VKORC1L1: variants seen among roughly 807,000 people sequenced by gnomAD.
VKORC1L1 encodes the protein vitamin K epoxide reductase complex subunit 1L1, also known as vitamin K epoxide reductase complex subunit 1-like protein 1.
In VKORC1L1, 2 loss-of-function variants were observed where a neutral mutation model predicts 18.9. The observed-to-expected ratio is 0.11, with a 90% CI of 0.04 to 0.33. VKORC1L1 has a LOEUF of 0.33. Ranked by LOEUF, VKORC1L1 falls within the 10% of genes least tolerant of loss-of-function variation. The pLI is 1.00. For synonymous variants in VKORC1L1, 96 were observed against 100.0 expected, an observed-to-expected ratio of 0.96 and a Z score of 0.24; for missense variants, 123 against 224.1, an observed-to-expected ratio of 0.55 and a Z score of 2.88.
intron 1 of VKORC1L1, among the ~76,000 whole-genome samples, chr7:65,923,384 G>A (rs921862794): frequency 6.6e-6 from 1 of 151,760 alleles, no homozygotes; most frequent in Non-Finnish European, 1.5e-5. Context: ...CAGCCTAGGC[G>A]ATAGAGACCC....
At chr7:65,926,794 C>T (rs1025933742) in intron 1 of VKORC1L1, among the ~76,000 whole-genome samples, 6 of 152,168 alleles carry the variant, frequency 3.9e-5, no homozygotes, top group Non-Finnish European at 7.3e-5. Flanking sequence ...AAAGTAATGG[C>T]TTTTGCAGCA....
At chr7:65,912,766 C>A (rs1405692139) in intron 1 of VKORC1L1, among the ~76,000 whole-genome samples, 1 of 151,966 alleles carries the variant, frequency 6.6e-6, no homozygotes, top group Non-Finnish European at 1.5e-5. Flanking sequence ...ACAATTGAAA[C>A]AAAGTACTAG....
At chr7:65,936,674 C>T (rs1474718281) in intron 1 of VKORC1L1, among the ~76,000 whole-genome samples, 1 of 152,184 alleles carries the variant, frequency 6.6e-6, no homozygotes, top group Non-Finnish European at 1.5e-5. Context: ...GAGTCTGGGG[C>T]TTGTGTTAGT....
chr7:65,902,546 G>GC (rs1789335934), intron 1 of VKORC1L1, among the ~76,000 whole-genome samples: 1 of 152,058 alleles, frequency 6.6e-6, no homozygotes, highest in Admixed American at 6.6e-5. Flanking sequence ...TGTAATTGGA[G>GC]CCCCAGAAAA....
At chr7:65,896,572 T>TCCTTCTTTCCC (rs1789217030) in intron 1 of VKORC1L1, among the ~76,000 whole-genome samples, 1 of 140,666 alleles carries the variant, frequency 7.1e-6, no homozygotes, top group Non-Finnish European at 1.6e-5. Flanking sequence ...CCTTCCTTCT[T>TCCTTCTTTCCC]TCCCTCCCTC....
chr7:65,897,784 G>A (rs1437104330), intron 1 of VKORC1L1, among the ~76,000 whole-genome samples: 1 of 150,656 alleles, frequency 6.6e-6, no homozygotes, highest in East Asian at 1.9e-4. Context: ...GTACTGTTCT[G>A]AATGTATGCT....
chr7:65,903,792 A>T (rs80288747), intron 1 of VKORC1L1, among the ~76,000 whole-genome samples: 1,863 of 132,766 alleles, frequency 0.014, 35 homozygotes, highest in African/African-American at 0.046. Flanking sequence ...AAAAAAAAAA[A>T]GGCCTACTGG....
chr7:65,935,641 C>T (rs983204443), intron 1 of VKORC1L1, among the ~76,000 whole-genome samples: 1 of 152,102 alleles, frequency 6.6e-6, no homozygotes, highest in East Asian at 1.9e-4. Flanking sequence ...AATTGGTAGG[C>T]ATTTGAATTC....
chr7:65,945,507 G>T (rs1790105681), intron 1 of VKORC1L1, among the ~76,000 whole-genome samples: 1 of 151,418 alleles, frequency 6.6e-6, no homozygotes, highest in African/African-American at 2.4e-5. Context: ...AGCCACTTGG[G>T]AGGCTGAGGC....
chr7:65,895,480 AATATATATATATATATAT>A lies in VKORC1L1; in HGVS notation c.194+21935_194+21952del, dbSNP rs1162173957. Among the ~76,000 whole-genome samples the A allele has an allele frequency of 1.9e-4, 8 of 42,770 alleles. No individual in the cohort carries two copies. In the East Asian group the frequency reaches 2.7e-3, roughly 14 times the overall value. 28.1% of individuals were successfully genotyped at this position (42,770 alleles called of 152,430 possible). On this transcript the variant is annotated intron_variant, in intron 1 of 2. Transcript: ENST00000360768. Reference sequence around the variant, plus strand: ...AAAAAAAAAAAAAAAAAAAAAAAAAAATATATATATATATATATATATATATATATATATATACACACA... The same window carrying A: ...AAAAAAAAAAAAAAAAAAAAAAAAAAATATATATATATATATATACACACA...
chr7:65,889,087 A>ATTT (rs57828998), intron 1 of VKORC1L1, among the ~76,000 whole-genome samples: 1 of 138,424 alleles, frequency 7.2e-6, no homozygotes, highest in African/African-American at 2.6e-5. Flanking sequence ...ACCACTCTCA[A>ATTT]TTTTTTTTTT....
At chr7:65,943,204 G>T (rs1043881587) in intron 1 of VKORC1L1, among the ~76,000 whole-genome samples, 2 of 152,058 alleles carry the variant, frequency 1.3e-5, no homozygotes, top group Non-Finnish European at 2.9e-5. Flanking sequence ...TTCGAGACGA[G>T]CCTGGCCAAC....
intron 1 of VKORC1L1, among the ~76,000 whole-genome samples, chr7:65,909,690 T>TTGTGTGTG (rs56074368): frequency 0.044 from 5,446 of 123,690 alleles, 254 homozygotes; most frequent in African/African-American, 0.081. Flanking sequence ...GTTTTAGCCT[T>TTGTGTGTG]TGTGTGTGTG....
intron 1 of VKORC1L1, among the ~76,000 whole-genome samples, chr7:65,927,162 C>CT (rs1397233195): frequency 6.6e-6 from 1 of 152,104 alleles, no homozygotes; most frequent in African/African-American, 2.4e-5. Flanking sequence ...TAGTGGGTGC[C>CT]TGTAGTCCCA....
chr7:65,896,421 G>A (rs1046890648), intron 1 of VKORC1L1, among the ~76,000 whole-genome samples: 5 of 152,064 alleles, frequency 3.3e-5, no homozygotes, highest in Admixed American at 2.0e-4. Context: ...GGACTGCTGG[G>A]TCATAGGATG....
At chr7:65,909,727 T>C in intron 1 of VKORC1L1, among the ~76,000 whole-genome samples, 1 of 150,568 alleles carries the variant, frequency 6.6e-6, no homozygotes, top group East Asian at 1.9e-4. Flanking sequence ...TGTGTGTGTG[T>C]GTGTGTGTGT....
chr7:65,916,796 C>T (rs554335182), intron 1 of VKORC1L1, among the ~76,000 whole-genome samples: 2 of 152,090 alleles, frequency 1.3e-5, no homozygotes, highest in African/African-American at 2.4e-5. Context: ...CGGGGTTTCT[C>T]CATGTTGGTC....
At chr7:65,879,677 C>T (rs921055311) in intron 1 of VKORC1L1, among the ~76,000 whole-genome samples, 19 of 151,268 alleles carry the variant, frequency 1.3e-4, no homozygotes, top group Admixed American at 9.9e-4. Flanking sequence ...TTCCCTCCCA[C>T]CCTCCTTCTT....
intron 1 of VKORC1L1, among the ~76,000 whole-genome samples, chr7:65,916,990 A>G (rs978155491): frequency 6.6e-6 from 1 of 152,096 alleles, no homozygotes; most frequent in African/African-American, 2.4e-5. Flanking sequence ...TTTATCTCCT[A>G]TATCTTATCC....
Sources: gnomAD v4.1 joint callset for allele counts (sites outside exome capture counted in the v4.1 genomes callset) on GRCh38, gnomAD v4.1.1 for gene constraint, MANE v1.5 for transcripts, NCBI Gene and HGNC (gene_info 2026-07-23, HGNC 2026-07-21) for gene names.